CALN1: variants seen among roughly 807,000 people sequenced by gnomAD.
The protein encoded by CALN1 is calneuron 1.
Under a neutral mutation model 30.6 loss-of-function variants are expected in CALN1, and 17 were observed. That is an observed-to-expected ratio of 0.56 (90% CI 0.38 to 0.83). CALN1 has a LOEUF of 0.83. Among genes scored for constraint, CALN1 ranks in the 40% least tolerant of loss-of-function variants. CALN1 has a pLI of 0.00. For missense variants in CALN1, 291 were observed against 354.9 expected (o/e 0.82, Z 1.45); for synonymous variants, 156 against 131.4 (o/e 1.19, Z -1.28).
intron 3 of CALN1, among the ~76,000 whole-genome samples, chr7:72,227,616 T>A (rs1793784280): frequency 6.6e-6 from 1 of 151,554 alleles, no homozygotes; most frequent in African/African-American, 2.4e-5. Flanking sequence ...GGGCAAAGGT[T>A]AAAAAACTAT....
intron 2 of CALN1, among the ~76,000 whole-genome samples, chr7:72,327,872 GA>G (rs955553110): frequency 1.9e-4 from 29 of 151,898 alleles, no homozygotes; most frequent in African/African-American, 5.1e-4. Flanking sequence ...TTAAAAGGGG[GA>G]AAAAAAGGTC....
chr7:71,866,037 G>A (rs1253511782), intron 5 of CALN1, among the ~76,000 whole-genome samples: 2 of 151,046 alleles, frequency 1.3e-5, no homozygotes, highest in Admixed American at 1.3e-4. Context: ...ACAGAGTCTC[G>A]CTCTGTCGCC....
At chr7:71,832,080 A>T (rs1300826219) in intron 5 of CALN1, among the ~76,000 whole-genome samples, 1 of 152,100 alleles carries the variant, frequency 6.6e-6, no homozygotes, top group Non-Finnish European at 1.5e-5. Context: ...GATGTTGTCC[A>T]ATTCATAATT....
chr7:72,196,694 A>G (rs886430317), intron 3 of CALN1, among the ~76,000 whole-genome samples: 4 of 152,254 alleles, frequency 2.6e-5, no homozygotes, highest in Admixed American at 2.6e-4. Flanking sequence ...CAGCAGGGAG[A>G]AATCGGAATG....
At chr7:71,846,551 T>C (rs891722181) in intron 5 of CALN1, among the ~76,000 whole-genome samples, 5 of 152,018 alleles carry the variant, frequency 3.3e-5, no homozygotes, top group Non-Finnish European at 1.5e-5. Flanking sequence ...TGTGTATAGA[T>C]AGATATAGAT....
chr7:72,406,096 G>A (rs866465759), intron 1 of CALN1, among the ~76,000 whole-genome samples: 3 of 152,202 alleles, frequency 2.0e-5, no homozygotes, highest in Non-Finnish European at 4.4e-5. Flanking sequence ...CACTCGCGAT[G>A]TGCCAGAGAA....
the CALN1 span, among the ~76,000 whole-genome samples, chr7:72,495,397 A>G: frequency 1.3e-5 from 2 of 152,232 alleles, no homozygotes; most frequent in South Asian, 4.1e-4. Context: ...TTAGTTAAAA[A>G]TAGCAACCAC....
chr7:72,342,547 G>A (rs1014118324), intron 2 of CALN1, among the ~76,000 whole-genome samples: 1 of 152,164 alleles, frequency 6.6e-6, no homozygotes, highest in African/African-American at 2.4e-5. Flanking sequence ...TCCTTATCGT[G>A]CATTTGTAGC....
At chr7:72,498,745 TA>T in the CALN1 span, among the ~76,000 whole-genome samples, 5 of 152,184 alleles carry the variant, frequency 3.3e-5, no homozygotes, top group Admixed American at 3.3e-4. Context: ...TATTAATTAA[TA>T]GTTGATGGAT....
At chr7:72,465,094 G>A in the CALN1 span, among the ~76,000 whole-genome samples, 307 of 152,224 alleles carry the variant, frequency 2.0e-3, 1 homozygote, top group Non-Finnish European at 4.3e-4. Flanking sequence ...AGCACAGGAC[G>A]ATATCTCAGA....
At chr7:72,316,363 A>C (rs953982116) in intron 2 of CALN1, among the ~76,000 whole-genome samples, 3 of 150,348 alleles carry the variant, frequency 2.0e-5, no homozygotes, top group Non-Finnish European at 4.4e-5. Context: ...CAAAAACCGC[A>C]ATTACTTTTG....
At chr7:72,031,734 A>ATTT (rs544026184) in intron 4 of CALN1, among the ~76,000 whole-genome samples, 29 of 114,658 alleles carry the variant, frequency 2.5e-4, no homozygotes, top group East Asian at 4.8e-4. Flanking sequence ...CGCCTGGCTA[A>ATTT]TTTTTTTTTT....
At chr7:71,953,061 A>G (rs539714390) in intron 5 of CALN1, among the ~76,000 whole-genome samples, 1 of 152,238 alleles carries the variant, frequency 6.6e-6, no homozygotes, top group South Asian at 2.1e-4. Flanking sequence ...GGCTCAAGCA[A>G]TCCTCCTTCC....
chr7:72,336,799 G>A (rs1802084495), intron 2 of CALN1: 8 of 985,040 alleles, frequency 8.1e-6, no homozygotes, highest in Non-Finnish European at 9.6e-6. Flanking sequence ...GGGCGGTGCG[G>A]AATGGATGCG....
chr7:72,084,802 C>T (rs935320880), intron 4 of CALN1, among the ~76,000 whole-genome samples: 6 of 152,110 alleles, frequency 3.9e-5, no homozygotes, highest in African/African-American at 9.7e-5. Flanking sequence ...TCACTTTCTG[C>T]GGCTTCAGTT....
At chr7:71,867,161 G>T (rs778522809) in intron 5 of CALN1, among the ~76,000 whole-genome samples, 1 of 151,440 alleles carries the variant, frequency 6.6e-6, no homozygotes, top group Admixed American at 6.6e-5. Context: ...AAAAACTAAG[G>T]ACATTTACAG....
intron 2 of CALN1, among the ~76,000 whole-genome samples, chr7:72,394,133 T>C (rs1379854584): frequency 1.3e-5 from 2 of 152,138 alleles, no homozygotes; most frequent in East Asian, 3.9e-4. Context: ...ACTTTGTGCA[T>C]ATAGAATTTT....
At chr7:72,175,504 T>A (rs894998375) in intron 3 of CALN1, among the ~76,000 whole-genome samples, 1 of 152,164 alleles carries the variant, frequency 6.6e-6, no homozygotes, top group African/African-American at 2.4e-5. Flanking sequence ...AAGAGTCAGC[T>A]TCTGGACAAC....
At chr7:72,222,065 A>G (rs757776001) in intron 3 of CALN1, among the ~76,000 whole-genome samples, 1 of 151,978 alleles carries the variant, frequency 6.6e-6, no homozygotes, top group Non-Finnish European at 1.5e-5. Context: ...GTCTCTACTA[A>G]AAGTGCAAAA....
Sources: allele counts gnomAD v4.1 joint callset (sites outside exome capture counted in the v4.1 genomes callset), GRCh38; gene constraint gnomAD v4.1.1; transcripts MANE v1.5; gene names NCBI Gene and HGNC (gene_info 2026-07-23, HGNC 2026-07-21).